TRIM42: variants seen among roughly 807,000 people sequenced by gnomAD.
TRIM42 encodes the protein tripartite motif containing 42.
A neutral mutation model predicts 64.9 loss-of-function variants in TRIM42; 59 were observed. The ratio of observed to expected loss-of-function variants is 0.91; its 90% CI spans 0.74 to 1.13. The LOEUF is 1.13. Ranked by LOEUF, TRIM42 falls within the 50% of genes most tolerant of loss-of-function variation. The pLI is 0.00. For synonymous variants in TRIM42, 354 were observed against 346.3 expected (o/e 1.02, Z -0.25); for missense variants, 878 against 929.5 (o/e 0.94, Z 0.72).
At chr3:140,699,750 T>G (rs1217088970) in intron 4 of TRIM42, among the ~76,000 whole-genome samples, 1 of 152,228 alleles carries the variant, frequency 6.6e-6, no homozygotes, top group African/African-American at 2.4e-5. Flanking sequence ...ATCAGGGTTA[T>G]CTCTATGCAT....
At chr3:140,685,237 T>C (rs999556158) in intron 2 of TRIM42, among the ~76,000 whole-genome samples, 14 of 152,286 alleles carry the variant, frequency 9.2e-5, no homozygotes, top group South Asian at 8.3e-4. Context: ...GGAATACACA[T>C]TGAGAAACTG....
chr3:140,682,123 A>G (rs1988412265), intron 1 of TRIM42, among the ~76,000 whole-genome samples: 1 of 152,214 alleles, frequency 6.6e-6, no homozygotes, highest in Non-Finnish European at 1.5e-5. Flanking sequence ...CCTTTGCTTA[A>G]TAACAACAAG....
chr3:140,685,977 T>A (rs1447238011), intron 2 of TRIM42, among the ~76,000 whole-genome samples: 1 of 152,216 alleles, frequency 6.6e-6, no homozygotes, highest in Non-Finnish European at 1.5e-5. Flanking sequence ...AAAAGAGACC[T>A]TGATTTGACT....
Position 140,691,133 on chromosome 3 carries a change from G to A in TRIM42, c.2026G>A (p.Val676Met), listed in dbSNP as rs377566074. The A allele has an allele frequency of 1.1e-4, 179 of 1,614,106 alleles. 2 individuals are homozygous for A. Among genetic ancestry groups the A allele is most frequent in the Admixed American group, 3.3e-4 (20 of 60,016 alleles). The change falls in exon 4 of 5, where the codon GTG becomes ATG. Residue 676 changes from valine to methionine, a missense_variant. Physicochemically the swap from Val to Met is conservative, Grantham distance 21. Transcript: ENST00000286349. ...LHNLTPNTEY[V>M]FKVRAINDNG... is the part of the protein sequence containing the mutation. Reference sequence around the variant, plus strand: ...CAACCTGACCCCCAACACAGAATACGTGTTTAAAGTTAGAGCCATCAATGA... The same window carrying A: ...CAACCTGACCCCCAACACAGAATACATGTTTAAAGTTAGAGCCATCAATGA...
At position 140,678,074 on chromosome 3, in the gene TRIM42, G is replaced by A; in HGVS notation, c.-156G>A. Reference sequence around the variant, plus strand: ...TATGAGCTTCCTGGTAGGGACACCAGCTGTGAAGTCCTCATAACAGCCAAC... The same window carrying A: ...TATGAGCTTCCTGGTAGGGACACCAACTGTGAAGTCCTCATAACAGCCAAC... On this transcript the variant is annotated 5_prime_UTR_variant, in exon 1 of 5. Transcript: ENST00000286349. 1.5e-6 allele frequency: 1 copy of A among 664,588 alleles called. No homozygotes were observed. The highest frequency in any genetic ancestry group is 1.8e-5 in the South Asian group (1 of 54,984). The allele number at this position is 664,588 out of a possible 1,614,324, so 41.2% of individuals were successfully genotyped here. A position where few individuals can be genotyped will look rare whatever the true frequency, so the allele number is the denominator to read the frequency against.
At chr3:140,689,498 G>C (rs1292192990) in intron 3 of TRIM42, among the ~76,000 whole-genome samples, 8 of 152,116 alleles carry the variant, frequency 5.3e-5, no homozygotes, top group Admixed American at 5.2e-4. Flanking sequence ...AGGTTTCAAA[G>C]GGGCCTGAGA....
At chr3:140,699,663 C>T (rs1277573031) in intron 4 of TRIM42, among the ~76,000 whole-genome samples, 2 of 152,174 alleles carry the variant, frequency 1.3e-5, no homozygotes, top group Non-Finnish European at 2.9e-5. Context: ...ATTCCTAACA[C>T]CTCGTAACAC....
At chr3:140,697,905 T>C (rs1988897275) in intron 4 of TRIM42, among the ~76,000 whole-genome samples, 1 of 152,120 alleles carries the variant, frequency 6.6e-6, no homozygotes, top group Admixed American at 6.5e-5. Flanking sequence ...GTATGGTCTC[T>C]ATCTCCTGAC....
At chr3:140,680,104 G>T (rs1384332677) in intron 1 of TRIM42, among the ~76,000 whole-genome samples, 1 of 152,090 alleles carries the variant, frequency 6.6e-6, no homozygotes, top group Non-Finnish European at 1.5e-5. Flanking sequence ...GCAGAGACAG[G>T]ATATCTCAGC....
chr3:140,679,781 G>C (rs1265533347), intron 1 of TRIM42, among the ~76,000 whole-genome samples: 1 of 152,052 alleles, frequency 6.6e-6, no homozygotes, highest in Non-Finnish European at 1.5e-5. Context: ...GGATAAAATT[G>C]GTGCTTTAGG....
intron 1 of TRIM42, among the ~76,000 whole-genome samples, chr3:140,679,056 C>CCA (rs1553762397): frequency 2.4e-5 from 3 of 122,646 alleles, no homozygotes; most frequent in Non-Finnish European, 3.8e-5. Context: ...GAGACAATAC[C>CCA]CCCCCCATGA....
At chr3:140,685,788 C>T (rs1397902393) in intron 2 of TRIM42, among the ~76,000 whole-genome samples, 2 of 152,152 alleles carry the variant, frequency 1.3e-5, no homozygotes, top group African/African-American at 2.4e-5. Flanking sequence ...CTAGTTTCTC[C>T]CATTTACCTG....
chr3:140,688,698 G>A (rs1988631437), intron 3 of TRIM42, among the ~76,000 whole-genome samples, 156 bp downstream of exon 3: 1 of 152,166 alleles, frequency 6.6e-6, no homozygotes, highest in Non-Finnish European at 1.5e-5. Flanking sequence ...CCATTCAAAA[G>A]GGATAAGCTC....
At chr3:140,689,997 C>T (rs1988664505) in intron 3 of TRIM42, among the ~76,000 whole-genome samples, 1 of 152,010 alleles carries the variant, frequency 6.6e-6, no homozygotes, top group African/African-American at 2.4e-5. Context: ...AAAAAGAGAC[C>T]TACGCAAAAC....
Position 140,678,531 on chromosome 3 carries a change from TC to T in TRIM42, c.303del (p.Thr102LeufsTer30), listed in dbSNP as rs1559934037. ...YESRCCRNTIITFHKGRLRSI... is the reference protein window; with the variant it reads ...YESRCCRNTIXTFHKGRLRSI... ...AGCCGCTGCTGCCGCAATACCATCA[TC>T]ACTTTCCACAAGGGCCGCCTCAGGA... On this transcript the variant is annotated frameshift_variant, in exon 1 of 5. Coordinates refer to ENST00000286349, the MANE Select transcript of TRIM42 (RefSeq NM_152616.5). LOFTEE classifies it high-confidence loss of function. 5.0e-6 allele frequency: 8 copies of T among 1,613,900 alleles called. No individual in the cohort carries two copies. Among genetic ancestry groups the T allele is most frequent in the Non-Finnish European group, 6.8e-6 (8 of 1,179,968 alleles).
intron 1 of TRIM42, among the ~76,000 whole-genome samples, chr3:140,681,544 C>T (rs1043942573): frequency 2.0e-5 from 3 of 152,098 alleles, no homozygotes; most frequent in African/African-American, 7.2e-5. Context: ...TTACCATTAC[C>T]TATTGCTCTG....
rs756843669 is a variant in TRIM42, at chr3:140,682,816, C to T, written c.696C>T (p.Ser232=). 1.2e-6 allele frequency: 2 copies of T among 1,614,094 alleles called. No individual in the cohort carries two copies. The highest frequency in any genetic ancestry group is 1.7e-6 in the Non-Finnish European group (2 of 1,180,040). ...HGYLKWRFDR[S]SGPILCQVCR... Reference sequence around the variant, plus strand: ...ACCTCAAGTGGCGCTTTGACCGCTCCTCCGGGCCCATCCTCTGCCAGGTCT... The same window carrying T: ...ACCTCAAGTGGCGCTTTGACCGCTCTTCCGGGCCCATCCTCTGCCAGGTCT... The change falls in exon 2 of 5, where the codon TCC becomes TCT. Residue 232 remains serine (S), a synonymous_variant. Coordinates refer to ENST00000286349, the MANE Select transcript of TRIM42 (RefSeq NM_152616.5).
chr3:140,688,024 A>T lies in TRIM42; in HGVS notation c.1342A>T (p.Ile448Phe). 1 of 1,614,192 alleles carries T rather than the reference A, an allele frequency of 6.2e-7. No homozygotes were observed. The highest frequency in any genetic ancestry group is 1.3e-5 in the African/African-American group (1 of 75,048). The change falls in exon 3 of 5, where the codon ATC (isoleucine) becomes TTC (phenylalanine). Residue 448 changes from isoleucine (I) to phenylalanine (F), a missense_variant. Physicochemically the swap from Ile to Phe is conservative, Grantham distance 21. Coordinates refer to ENST00000286349, the MANE Select transcript of TRIM42 (RefSeq NM_152616.5). ...GGTGGCATTCCTGCAGTCAGCCAAGATCCTGGTGGACCAGATCGAGGACGG... is the reference window on the plus strand; with the variant it reads ...GGTGGCATTCCTGCAGTCAGCCAAGTTCCTGGTGGACCAGATCGAGGACGG... ...GQVAFLQSAK[I>F]LVDQIEDGIQ... is the part of the protein sequence containing the mutation.
At chr3:140,685,513 C>T (rs1327006391) in intron 2 of TRIM42, among the ~76,000 whole-genome samples, 1 of 152,170 alleles carries the variant, frequency 6.6e-6, no homozygotes, top group Admixed American at 6.5e-5. Context: ...CCACCCCAGG[C>T]CTAGTGCATC....
Sources: allele counts gnomAD v4.1 joint callset (sites outside exome capture counted in the v4.1 genomes callset), GRCh38; gene constraint gnomAD v4.1.1; transcripts MANE v1.5; gene names NCBI Gene and HGNC (gene_info 2026-07-23, HGNC 2026-07-21).